The following CSMD2 variants were observed in gnomAD, a reference collection of about 807,000 sequenced individuals.
CSMD2 encodes the protein CUB and sushi domain-containing protein 2.
In CSMD2, 130 loss-of-function variants were observed where a neutral mutation model predicts 398.5. That is an observed-to-expected ratio of 0.33 (90% CI 0.28 to 0.38). CSMD2 has a LOEUF of 0.38. Ranked by LOEUF, CSMD2 falls within the 10% of genes least tolerant of loss-of-function variation. CSMD2 has a pLI of 1.00. For missense variants in CSMD2, 3,829 were observed against 4,764.9 expected, an observed-to-expected ratio of 0.80 and a Z score of 5.78; for synonymous variants, 1,828 against 1,908.5, an observed-to-expected ratio of 0.96 and a Z score of 1.10.
chr1:33,810,954 T>G (rs1185330068), intron 9 of CSMD2, 90 bp from the exon 10 acceptor site: 5 of 1,416,376 alleles, frequency 3.5e-6, no homozygotes, highest in Non-Finnish European at 4.8e-6. Flanking sequence ...AGACACTGCA[T>G]CTGTACAGTT....
rs1655937660 is a variant in CSMD2, at chr1:33,537,701, T to C, written c.9632-92A>G. 1 of 1,345,036 alleles carries C rather than the reference T, an allele frequency of 7.4e-7. No homozygotes were observed. The allele number at this position is 1,345,036 out of a possible 1,614,324, so 83.3% of individuals were successfully genotyped here. On this transcript the variant is annotated intron_variant, in intron 60 of 70. Coordinates refer to ENST00000373381, the MANE Select transcript of CSMD2 (RefSeq NM_001281956.2). The surrounding 1 kb of genome is among the most constrained non-coding windows in gnomAD (Gnocchi z 4.6). ...CCCCCATCTTTGTTCTTTGCACTGC[T>C]CCCTTCCTGGTTGAGCTTGAACTCT...
chr1:34,155,249 G>A (rs1343849935), intron 1 of CSMD2, among the ~76,000 whole-genome samples: 4 of 152,182 alleles, frequency 2.6e-5, no homozygotes, highest in African/African-American at 9.7e-5. Flanking sequence ...AACAGAAAAC[G>A]TCAACTGTGC....
At chr1:33,857,583 A>C (rs1054417992) in intron 5 of CSMD2, among the ~76,000 whole-genome samples, 79 of 152,142 alleles carry the variant, frequency 5.2e-4, no homozygotes, top group African/African-American at 1.7e-3. Flanking sequence ...TGGAGCCATG[A>C]CCACCCTTAG....
chr1:33,941,176 G>A (rs909065737), intron 3 of CSMD2, among the ~76,000 whole-genome samples: 7 of 152,152 alleles, frequency 4.6e-5, no homozygotes, highest in Admixed American at 1.3e-4. Context: ...GATTAGCTGT[G>A]GGGAATTTTT....
chr1:33,894,880 C>G (rs1265071545), intron 5 of CSMD2, among the ~76,000 whole-genome samples: 5 of 152,162 alleles, frequency 3.3e-5, no homozygotes, highest in Non-Finnish European at 7.3e-5. Context: ...CAGGGCAAGT[C>G]TCCTCTCAGG....
In CSMD2 at chr1:33,633,633, T is replaced by C. The variant is rs934042666; in HGVS notation, c.5087-98A>G. On this transcript the variant is annotated intron_variant, in intron 31 of 70. Coordinates refer to ENST00000373381, the MANE Select transcript of CSMD2 (RefSeq NM_001281956.2). This position sits in a 1 kb window ranked among gnomAD's most constrained non-coding sequence, Gnocchi z 5.0. ...GCCCAAGCCAGGAGGAGGGCAGCCC[T>C]GGGGAAGTTGTTGGTTCCTGGGCTG... 19 of 867,398 alleles carry C rather than the reference T, an allele frequency of 2.2e-5. No homozygotes were observed. Among genetic ancestry groups the C allele is most frequent in the Non-Finnish European group, 3.7e-6 (2 of 536,416 alleles). 53.7% of individuals were successfully genotyped at this position (867,398 alleles called of 1,614,324 possible). A position where few individuals can be genotyped will look rare whatever the true frequency, so the allele number is the denominator to read the frequency against.
At chr1:33,659,170 G>GT (rs1644046050) in intron 26 of CSMD2, among the ~76,000 whole-genome samples, 2 of 152,228 alleles carry the variant, frequency 1.3e-5, no homozygotes, top group African/African-American at 4.8e-5. Flanking sequence ...ACCTAACCTA[G>GT]TTTAACATAG....
At chr1:33,616,861 A>C in intron 39 of CSMD2, 45 bp downstream of exon 39, 2 of 1,494,090 alleles carry the variant, frequency 1.3e-6, no homozygotes, top group Non-Finnish European at 1.9e-6. Context: ...AAGATCCCTG[A>C]GAGAAAATTG....
intron 52 of CSMD2, among the ~76,000 whole-genome samples, chr1:33,568,735 G>A (rs1332256978): frequency 6.6e-6 from 1 of 152,114 alleles, no homozygotes; most frequent in Non-Finnish European, 1.5e-5. Context: ...CTGTGACTGT[G>A]TCCTTAATGG....
intron 29 of CSMD2, among the ~76,000 whole-genome samples, chr1:33,642,312 A>C (rs1389151208): frequency 6.9e-6 from 1 of 144,224 alleles, no homozygotes; most frequent in Admixed American, 7.3e-5. Flanking sequence ...GCGCCACTGC[A>C]CTCCAGCCTG....
At chr1:33,617,051 G>A in intron 38 of CSMD2, 76 bp from the exon 39 acceptor site, 1 of 1,183,242 alleles carries the variant, frequency 8.5e-7, no homozygotes, top group East Asian at 2.3e-5. Flanking sequence ...GGCTGTACAG[G>A]GGTCTGGTTC....
chr1:33,988,807 C>G (rs911258552), intron 3 of CSMD2, among the ~76,000 whole-genome samples: 7 of 151,814 alleles, frequency 4.6e-5, no homozygotes, highest in Non-Finnish European at 1.0e-4. Flanking sequence ...CTGCTAATAG[C>G]CTTTTCAACC....
chr1:34,138,944 C>T (rs892794755), intron 1 of CSMD2, among the ~76,000 whole-genome samples: 6 of 151,950 alleles, frequency 3.9e-5, no homozygotes, highest in Admixed American at 3.3e-4. Flanking sequence ...TTTTCATATT[C>T]GACTTCCTCT....
chr1:33,699,780 A>T (rs1645545635), intron 23 of CSMD2, among the ~76,000 whole-genome samples: 1 of 152,170 alleles, frequency 6.6e-6, no homozygotes, highest in Admixed American at 6.5e-5. Context: ...TATTGCCATA[A>T]TCAGTTCTAG....
At chr1:34,019,752 C>G (rs1167581766) in intron 3 of CSMD2, among the ~76,000 whole-genome samples, 2 of 152,144 alleles carry the variant, frequency 1.3e-5, no homozygotes, top group African/African-American at 2.4e-5. Flanking sequence ...TGAGTAAGGC[C>G]CGAACTCCTT....
At chr1:33,556,634 T>A (rs1658002003) in intron 55 of CSMD2, among the ~76,000 whole-genome samples, 2 of 152,126 alleles carry the variant, frequency 1.3e-5, no homozygotes, top group South Asian at 4.1e-4. Context: ...AGGGACCAGA[T>A]GTCAGGTGAT....
At chr1:33,876,862 G>GGAAAATGCT (rs1271156343) in intron 5 of CSMD2, among the ~76,000 whole-genome samples, 1 of 152,162 alleles carries the variant, frequency 6.6e-6, no homozygotes, top group Non-Finnish European at 1.5e-5. Context: ...TGCTTGCTTG[G>GGAAAATGCT]CTCTGGTCCG....
intron 43 of CSMD2, among the ~76,000 whole-genome samples, chr1:33,601,214 C>T (rs1324273723): frequency 6.6e-6 from 1 of 152,170 alleles, no homozygotes; most frequent in African/African-American, 2.4e-5. Context: ...ATTGGTGAAG[C>T]TCACACTGAT....
Position 33,625,209 on chromosome 1 carries a change from G to T in CSMD2, c.5342C>A (p.Pro1781His), listed in dbSNP as rs753667361. Residue 1781 changes from proline to histidine, a missense_variant, in exon 34 of 71, where the codon CCC (proline) becomes CAC (histidine). Physicochemically the swap from Pro to His is moderately conservative, Grantham distance 77. Coordinates refer to ENST00000373381, the MANE Select transcript of CSMD2 (RefSeq NM_001281956.2). ...SATQCSSVPE[P>H]RYGKRLGSDF... is the part of the protein sequence containing the mutation. ...ACTGCCCAGCCTCTTGCCATAGCGG[G>T]GTTCCGGCACAGAGCTGCACTGCGT... The T allele has an allele frequency of 1.9e-6, 3 of 1,613,798 alleles. No homozygotes were observed. The highest frequency in any genetic ancestry group is 2.5e-6 in the Non-Finnish European group (3 of 1,179,964).
Sources: allele counts gnomAD v4.1 joint callset (sites outside exome capture counted in the v4.1 genomes callset), GRCh38; gene constraint gnomAD v4.1.1; non-coding constraint Gnocchi (gnomAD v3.1); transcripts MANE v1.5; gene names NCBI Gene and HGNC (gene_info 2026-07-23, HGNC 2026-07-21).